Variants in ACSM6 observed in about 807,000 individuals in gnomAD.
ACSM6 encodes acyl-coenzyme A synthetase ACSM6, mitochondrial.
In ACSM6, 35 loss-of-function variants were observed where a neutral mutation model predicts 51.1. That is an observed-to-expected ratio of 0.69 (90% CI 0.52 to 0.91). The LOEUF (loss-of-function observed/expected upper bound fraction) is 0.91. Among genes scored for constraint, ACSM6 ranks in the 40% least tolerant of loss-of-function variants. The probability of loss-of-function intolerance (pLI) is 0.00; values close to 1 mark genes in which losing one functional copy is unlikely to be tolerated. For missense variants in ACSM6, 509 were observed against 584.1 expected, an observed-to-expected ratio of 0.87 and a Z score of 1.32; for synonymous variants, 172 against 207.3, an observed-to-expected ratio of 0.83 and a Z score of 1.46.
chr10:95,212,251 T>G (rs1221661335), intron 6 of ACSM6, among the ~76,000 whole-genome samples: 2 of 152,178 alleles, frequency 1.3e-5, no homozygotes, highest in Non-Finnish European at 2.9e-5. Context: ...ATTGTATCAC[T>G]GAGAAGGAAA....
chr10:95,209,642 A>G (rs1456317082), intron 4 of ACSM6, among the ~76,000 whole-genome samples: 1 of 152,190 alleles, frequency 6.6e-6, no homozygotes, highest in Non-Finnish European at 1.5e-5. Context: ...GCACTGAAAA[A>G]TCCAGTGATC....
At chr10:95,209,948 C>CT (rs2034878050) in intron 4 of ACSM6, among the ~76,000 whole-genome samples, 1 of 152,070 alleles carries the variant, frequency 6.6e-6, no homozygotes, top group Admixed American at 6.5e-5. Context: ...ATGCAAGTGC[C>CT]TATCTGGATT....
chr10:95,200,487 TGAAGAAGAAGAAAA>T (rs2034781758), intron 2 of ACSM6, among the ~76,000 whole-genome samples: 2 of 136,956 alleles, frequency 1.5e-5, no homozygotes, highest in Non-Finnish European at 3.1e-5. Context: ...CCCTAAAACT[TGAAGAAGAAGAAAA>T]GAAGAAGAAG....
At chr10:95,220,357 A>C (rs1025864312) in intron 9 of ACSM6, among the ~76,000 whole-genome samples, 1 of 152,244 alleles carries the variant, frequency 6.6e-6, no homozygotes. Context: ...AGTCTAAGCC[A>C]CTAGTCAGCT....
intron 7 of ACSM6, among the ~76,000 whole-genome samples, 186 bp from the exon 8 acceptor site, chr10:95,214,666 A>T (rs560229638): frequency 6.6e-6 from 1 of 152,322 alleles, no homozygotes; most frequent in East Asian, 1.9e-4. Context: ...GTCTTCATGG[A>T]GATTGATCTA....
intron 9 of ACSM6, among the ~76,000 whole-genome samples, chr10:95,220,511 TAGC>T (rs1439194349): frequency 6.6e-6 from 1 of 152,202 alleles, no homozygotes. Context: ...AGACTCAAAT[TAGC>T]AGCACTTATG....
intron 10 of ACSM6, among the ~76,000 whole-genome samples, chr10:95,227,913 CA>C (rs576008718): frequency 2.0e-5 from 3 of 151,708 alleles, no homozygotes; most frequent in African/African-American, 7.3e-5. Flanking sequence ...ACTAAAAATA[CA>C]AAAAAAATTA....
At chr10:95,203,780 C>A (rs2133375412) in intron 3 of ACSM6, among the ~76,000 whole-genome samples, 1 of 151,500 alleles carries the variant, frequency 6.6e-6, no homozygotes, top group Admixed American at 6.6e-5. Context: ...AACAAAGTAC[C>A]CCTGAGATGG....
intron 2 of ACSM6, among the ~76,000 whole-genome samples, chr10:95,201,217 G>C (rs1257314440): frequency 1.3e-5 from 2 of 152,156 alleles, no homozygotes; most frequent in African/African-American, 4.8e-5. Flanking sequence ...CAGGTTTGTT[G>C]CATGTATAGA....
chr10:95,214,973 A>T (rs950367431), exon 8 of ACSM6: 4 of 1,551,486 alleles, frequency 2.6e-6, no homozygotes, highest in Non-Finnish European at 2.6e-6. Context: ...GCAGACGGAA[A>T]CTGTAGGTTG....
intron 9 of ACSM6, among the ~76,000 whole-genome samples, chr10:95,222,624 A>C (rs2035004470): frequency 6.6e-6 from 1 of 151,024 alleles, no homozygotes; most frequent in African/African-American, 2.4e-5. Flanking sequence ...TCTGTCTCAA[A>C]AAAAAAAAAA....
At chr10:95,223,781 C>G (rs537828434) in intron 9 of ACSM6, among the ~76,000 whole-genome samples, 1 of 152,206 alleles carries the variant, frequency 6.6e-6, no homozygotes, top group South Asian at 2.1e-4. Context: ...AGAATATTCA[C>G]TCTTCATAGA....
In ACSM6 at chr10:95,222,882, A is replaced by C. The variant is rs566809452; in HGVS notation, c.1201-2408A>C. 1.1e-4 allele frequency among the ~76,000 whole-genome samples: 16 copies of C among 152,242 alleles called. No individual in the cohort carries two copies. The South Asian group carries it at 3.3e-3, about 32-fold the overall frequency. Reference sequence around the variant, plus strand: ...ATAATAATAATAAGAGGGTGGGAGGAAACTTTTGAAGGTGATGAATAGGTT... The same window carrying C: ...ATAATAATAATAAGAGGGTGGGAGGCAACTTTTGAAGGTGATGAATAGGTT... On this transcript the variant is annotated intron_variant, in intron 9 of 10. Transcript: ENST00000341686.
chr10:95,199,484 A>C (rs1212616757), intron 2 of ACSM6, among the ~76,000 whole-genome samples: 1 of 152,102 alleles, frequency 6.6e-6, no homozygotes, highest in East Asian at 1.9e-4. Flanking sequence ...TGGCAACAAA[A>C]GCCAAAATTG....
chr10:95,226,574 C>A (rs2035042271), intron 10 of ACSM6, among the ~76,000 whole-genome samples: 1 of 152,098 alleles, frequency 6.6e-6, no homozygotes, highest in African/African-American at 2.4e-5. Context: ...AATACCCTGT[C>A]TCAAAAACAA....
chr10:95,219,795 T>C (rs2034977936), intron 8 of ACSM6, 96 bp from the exon 9 acceptor site: 1 of 889,176 alleles, frequency 1.1e-6, no homozygotes, highest in Admixed American at 2.1e-5. Flanking sequence ...AATGTTGTTC[T>C]GTTAGGAGGC....
intron 2 of ACSM6, among the ~76,000 whole-genome samples, chr10:95,199,613 G>C (rs1386545654): frequency 3.3e-5 from 5 of 152,050 alleles, no homozygotes; most frequent in African/African-American, 1.2e-4. Flanking sequence ...CTGACAAAGG[G>C]CTAATATCCA....
chr10:95,228,681 T>C, exon 11 of ACSM6: 1 of 1,551,878 alleles, frequency 6.4e-7, no homozygotes, highest in Non-Finnish European at 8.7e-7. Context: ...AGAGGCCACA[T>C]GCTTTACCTC....
At chr10:95,204,992 C>G (rs1201312202) in intron 3 of ACSM6, among the ~76,000 whole-genome samples, 1 of 152,132 alleles carries the variant, frequency 6.6e-6, no homozygotes, top group Non-Finnish European at 1.5e-5. Context: ...ATCTGATGTG[C>G]CCTTTTGGTG....
Sources: gnomAD v4.1 joint callset for allele counts (sites outside exome capture counted in the v4.1 genomes callset) on GRCh38, gnomAD v4.1.1 for gene constraint, MANE v1.5 for transcripts, NCBI Gene and HGNC (gene_info 2026-07-23, HGNC 2026-07-21) for gene names.